Variants in MARK3 observed in about 807,000 individuals in gnomAD.
MARK3 encodes the protein microtubule affinity regulating kinase 3, also known as MAP/microtubule affinity-regulating kinase 3.
In MARK3, 46 loss-of-function variants were observed where a neutral mutation model predicts 90.1. That is an observed-to-expected ratio of 0.51 (90% CI 0.40 to 0.65). MARK3 has a LOEUF of 0.65. MARK3 is among the 30% of genes least tolerant of loss of function. MARK3 has a pLI of 0.00. For synonymous variants in MARK3, 321 were observed against 332.6 expected, an observed-to-expected ratio of 0.97 and a Z score of 0.38; for missense variants, 818 against 947.2, an observed-to-expected ratio of 0.86 and a Z score of 1.79.
At chr14:103,453,624 A>AT (rs1315625612) in intron 5 of MARK3, among the ~76,000 whole-genome samples, 1 of 152,138 alleles carries the variant, frequency 6.6e-6, no homozygotes, top group Non-Finnish European at 1.5e-5. Flanking sequence ...TTTCATTGGG[A>AT]TTTTCAAAAC....
rs562014804 is a variant in MARK3, at chr14:103,427,627, C to T, written c.244-760C>T. ...AAACAAGGGGTGAATTATTCATGAG[C>T]TTTCTGGGAAAAGGGCAGAGATTTC... On this transcript the variant is annotated intron_variant, in intron 2 of 17. Coordinates refer to ENST00000429436, the MANE Select transcript of MARK3 (RefSeq NM_001128918.3). Among the ~76,000 whole-genome samples the T allele has an allele frequency of 2.0e-5, 3 of 151,984 alleles. No homozygotes were observed. The East Asian group carries it at 5.8e-4, about 29-fold the overall frequency.
chr14:103,473,024 A>T (rs532345213), intron 12 of MARK3, among the ~76,000 whole-genome samples: 4 of 152,168 alleles, frequency 2.6e-5, no homozygotes, highest in African/African-American at 9.6e-5. Flanking sequence ...AAAAAAAGGA[A>T]CAAACTATGA....
intron 12 of MARK3, among the ~76,000 whole-genome samples, chr14:103,474,012 CTG>C (rs2093672494): frequency 2.0e-5 from 3 of 147,334 alleles, no homozygotes; most frequent in Non-Finnish European, 4.5e-5. Context: ...CTGGCTAACA[CTG>C]TGAAACCCCG....
chr14:103,402,544 C>T, intron 1 of MARK3, among the ~76,000 whole-genome samples: 1 of 82,798 alleles, frequency 1.2e-5, no homozygotes, highest in Non-Finnish European at 2.5e-5. Flanking sequence ...GAGACTCCAT[C>T]TCAAAAAAAA....
chr14:103,424,225 C>T (rs1020081788), intron 2 of MARK3, among the ~76,000 whole-genome samples: 13 of 150,090 alleles, frequency 8.7e-5, no homozygotes, highest in Admixed American at 4.0e-4. Context: ...AAAAAAAAAA[C>T]GCAGAATCAG....
At chr14:103,416,720 C>T (rs1309500200) in intron 2 of MARK3, among the ~76,000 whole-genome samples, 2 of 151,974 alleles carry the variant, frequency 1.3e-5, no homozygotes, top group Non-Finnish European at 2.9e-5. Context: ...TGTGGTGAGC[C>T]GAGATCGCAC....
At chr14:103,500,959 T>G (rs1253070748) in intron 17 of MARK3, among the ~76,000 whole-genome samples, 1 of 152,150 alleles carries the variant, frequency 6.6e-6, no homozygotes, top group African/African-American at 2.4e-5. Context: ...TTGCATGGAT[T>G]TGAGGGGAGG....
Position 103,451,981 on chromosome 14 carries a change from G to C in MARK3, c.410G>C (p.Gly137Ala), listed in dbSNP as rs770003919. Reference protein sequence around the residue: ...TLYLIMEYASGGEVFDYLVAH... With the variant: ...TLYLIMEYASAGEVFDYLVAH... ...TACCTAATCATGGAATATGCAAGTGGAGGTAAGAACATTTTTATATATATT... is the reference window on the plus strand; with the variant it reads ...TACCTAATCATGGAATATGCAAGTGCAGGTAAGAACATTTTTATATATATT... The change falls in exon 5 of 18, where the codon GGA becomes GCA. Residue 137 changes from glycine to alanine, a missense_variant and splice_region_variant. By Grantham distance (60) the Gly-to-Ala change is moderately conservative. Transcript: ENST00000429436. 6.2e-7 allele frequency: 1 copy of C among 1,603,242 alleles called. No homozygotes were observed. The highest frequency in any genetic ancestry group is 8.5e-7 in the Non-Finnish European group (1 of 1,172,408).
chr14:103,398,600 C>T (rs2090739591), intron 1 of MARK3, among the ~76,000 whole-genome samples: 1 of 152,190 alleles, frequency 6.6e-6, no homozygotes, highest in South Asian at 2.1e-4. Flanking sequence ...CTCAAACTTC[C>T]GGGTTTAAGC....
At chr14:103,472,071 C>T (rs1427558629) in intron 12 of MARK3, among the ~76,000 whole-genome samples, 4 of 151,164 alleles carry the variant, frequency 2.6e-5, no homozygotes, top group Non-Finnish European at 1.5e-5. Flanking sequence ...ATTAGCCAGG[C>T]GTGGTGGTGG....
intron 12 of MARK3, among the ~76,000 whole-genome samples, chr14:103,472,209 CAAA>C (rs35696641): frequency 7.2e-5 from 7 of 96,820 alleles, no homozygotes; most frequent in Admixed American, 1.1e-4. Flanking sequence ...GACTCCGTCT[CAAA>C]AAAAAAAAAA....
intron 3 of MARK3, among the ~76,000 whole-genome samples, chr14:103,444,086 C>CTTTTTT (rs10676381): frequency 3.0e-4 from 35 of 116,326 alleles, no homozygotes; most frequent in Middle Eastern, 4.4e-3. Context: ...GTAAAATTGT[C>CTTTTTT]TTTTTTTTTT....
At chr14:103,483,690 A>C (rs1290677017) in intron 14 of MARK3, among the ~76,000 whole-genome samples, 1 of 152,188 alleles carries the variant, frequency 6.6e-6, no homozygotes, top group East Asian at 1.9e-4. Flanking sequence ...TTCTGAGACT[A>C]GTTTTAAACT....
At chr14:103,488,560 G>T (rs2093968877) in intron 14 of MARK3, among the ~76,000 whole-genome samples, 2 of 152,132 alleles carry the variant, frequency 1.3e-5, no homozygotes, top group Non-Finnish European at 2.9e-5. Flanking sequence ...AAACAAAAAT[G>T]CAGGGACAGA....
intron 14 of MARK3, chr14:103,491,455 C>T: frequency 3.5e-6 from 1 of 284,060 alleles, no homozygotes; most frequent in Non-Finnish European, 6.7e-6. Context: ...GCACAGTTCT[C>T]TATGTAAGCA....
rs147960927 is a variant in MARK3 at position 103,435,403 on chromosome 14, T to A, written c.297+6963T>A. ...TCTCTCTTCTTCCAATTTTACTTAT[T>A]TTTATTTATTTATTTATTTTTTTGA... is the stretch of plus-strand genomic sequence containing the variant. On this transcript the variant is annotated intron_variant, in intron 3 of 17. Transcript: ENST00000429436. 3.9e-3 allele frequency among the ~76,000 whole-genome samples: 585 copies of A among 149,296 alleles called. 3 individuals are homozygous for A. Among genetic ancestry groups the A allele is most frequent in the African/African-American group, 0.014 (552 of 40,002 alleles).
intron 2 of MARK3, among the ~76,000 whole-genome samples, chr14:103,426,256 C>T (rs1297745592): frequency 1.6e-5 from 2 of 125,248 alleles, no homozygotes; most frequent in African/African-American, 3.0e-5. Flanking sequence ...ATTTTGAAAT[C>T]AATTGTTAAA....
chr14:103,415,088 G>A (rs890593007), intron 2 of MARK3, among the ~76,000 whole-genome samples: 1 of 139,132 alleles, frequency 7.2e-6, no homozygotes, highest in Non-Finnish European at 1.5e-5. Flanking sequence ...GGAGGCGGAG[G>A]TTGCAGTGAG....
intron 13 of MARK3, among the ~76,000 whole-genome samples, chr14:103,479,176 A>T (rs907927545): frequency 6.6e-6 from 1 of 151,732 alleles, no homozygotes; most frequent in Non-Finnish European, 1.5e-5. Flanking sequence ...ATGCATCACC[A>T]TGCCTGGCTT....
Sources: gnomAD v4.1 joint callset for allele counts (sites outside exome capture counted in the v4.1 genomes callset) on GRCh38, gnomAD v4.1.1 for gene constraint, MANE v1.5 for transcripts, NCBI Gene and HGNC (gene_info 2026-07-23, HGNC 2026-07-21) for gene names.